The following MECOM variants were observed in gnomAD, a reference collection of about 807,000 sequenced individuals.
MECOM encodes histone-lysine N-methyltransferase MECOM.
A neutral mutation model predicts 116.3 loss-of-function variants in MECOM; 13 were observed. The observed-to-expected ratio is 0.11, with a 90% CI of 0.07 to 0.18. MECOM has a LOEUF of 0.18. Among genes scored for constraint, MECOM ranks in the 10% least tolerant of loss-of-function variants. The pLI is 1.00. For missense variants in MECOM, 1,299 were observed against 1,509.0 expected (o/e 0.86, Z 2.31); for synonymous variants, 528 against 535.2 (o/e 0.99, Z 0.19).
intron 2 of MECOM, among the ~76,000 whole-genome samples, chr3:169,159,378 T>G (rs1018888685): frequency 2.0e-5 from 3 of 151,928 alleles, no homozygotes; most frequent in African/African-American, 7.3e-5. Context: ...ACCAACATAG[T>G]GAAACCCTGT....
chr3:169,602,031 C>T (rs1431724112), intron 1 of MECOM, among the ~76,000 whole-genome samples: 6 of 152,152 alleles, frequency 3.9e-5, no homozygotes, highest in Non-Finnish European at 5.9e-5. Flanking sequence ...TTAATTACCA[C>T]GTATGGGGAA....
At chr3:169,377,537 A>G (rs1249689757) in intron 2 of MECOM, among the ~76,000 whole-genome samples, 1 of 152,206 alleles carries the variant, frequency 6.6e-6, no homozygotes, top group Non-Finnish European at 1.5e-5. Flanking sequence ...TTTTCAAAAG[A>G]AGACATTTAT....
intron 13 of MECOM, among the ~76,000 whole-genome samples, chr3:169,093,583 T>G (rs1473417589): frequency 6.6e-6 from 1 of 152,200 alleles, no homozygotes; most frequent in African/African-American, 2.4e-5. Context: ...TTCTGCATCC[T>G]GGTTTGCTGG....
chr3:169,147,696 G>GTCTT (rs1237653373), intron 2 of MECOM: 28 of 984,744 alleles, frequency 2.8e-5, no homozygotes, highest in African/African-American at 3.5e-5. Context: ...CCGTTTCGAT[G>GTCTT]TCTTGAAAGC....
intron 1 of MECOM, among the ~76,000 whole-genome samples, chr3:169,510,500 C>T (rs1458311530): frequency 6.6e-6 from 1 of 152,236 alleles, no homozygotes; most frequent in African/African-American, 2.4e-5. Context: ...ACTTAGAACA[C>T]AATGCGAGCT....
At chr3:169,139,031 C>A (rs1190843860) in intron 3 of MECOM, among the ~76,000 whole-genome samples, 1 of 152,072 alleles carries the variant, frequency 6.6e-6, no homozygotes, top group Non-Finnish European at 1.5e-5. Context: ...TAAGGTAAAG[C>A]ACAAATGAGA....
At chr3:169,461,913 T>TTTACATTAAGTTTACATTAA (rs1747514951) in intron 1 of MECOM, among the ~76,000 whole-genome samples, 1 of 152,142 alleles carries the variant, frequency 6.6e-6, no homozygotes, top group East Asian at 1.9e-4. Flanking sequence ...AGTTTACATT[T>TTTACATTAAGTTTACATTAA]AGTCACCAAA....
intron 10 of MECOM, among the ~76,000 whole-genome samples, chr3:169,103,217 C>T (rs1724190491): frequency 6.6e-6 from 1 of 151,716 alleles, no homozygotes; most frequent in Non-Finnish European, 1.5e-5. Flanking sequence ...CTTCCACCTG[C>T]TTCGGTCTCC....
chr3:169,161,255 G>T (rs1168817631), intron 2 of MECOM, among the ~76,000 whole-genome samples: 1 of 152,122 alleles, frequency 6.6e-6, no homozygotes, highest in Admixed American at 6.6e-5. Context: ...ATGGATCCTG[G>T]GGAATCATTG....
chr3:169,619,916 G>A (rs1770495974), intron 1 of MECOM, among the ~76,000 whole-genome samples: 1 of 152,236 alleles, frequency 6.6e-6, no homozygotes, highest in Admixed American at 6.5e-5. Context: ...GCACCCTGGT[G>A]TCCCCCTGCG....
chr3:169,381,100 T>A (rs948841169), intron 2 of MECOM, 87 bp downstream of exon 2: 1 of 1,160,446 alleles, frequency 8.6e-7, no homozygotes, highest in East Asian at 2.4e-5. Flanking sequence ...GTAACAAATA[T>A]AATTTGCTTA....
At chr3:169,183,597 G>T (rs147973074) in intron 2 of MECOM, among the ~76,000 whole-genome samples, 8 of 152,122 alleles carry the variant, frequency 5.3e-5, no homozygotes, top group African/African-American at 1.9e-4. Context: ...GGAGCCAGAG[G>T]TCATATGAAC....
Position 169,416,592 on chromosome 3 carries a change from GT to G in MECOM, c.38-35069del, listed in dbSNP as rs1049810733. ...AAAAAAATCAATGAATCCAGGAGCT[GT>G]TTTTTTTTAAAAAAGGATGAACAAA... is the stretch of plus-strand genomic sequence containing the variant. On this transcript the variant is annotated intron_variant, in intron 1 of 16. Coordinates refer to ENST00000651503, the MANE Select transcript of MECOM (RefSeq NM_004991.4). 4.3e-4 allele frequency among the ~76,000 whole-genome samples: 65 copies of G among 150,920 alleles called. 1 individual carries two copies. The highest frequency in any genetic ancestry group is 1.5e-3 in the African/African-American group (62 of 41,224).
intron 2 of MECOM, chr3:169,147,486 C>T (rs1740265766): frequency 2.0e-6 from 2 of 985,456 alleles, no homozygotes; most frequent in African/African-American, 1.7e-5. Flanking sequence ...GGAAGCCAGA[C>T]GGGCTCCTCT....
chr3:169,278,263 AT>A lies in MECOM; in HGVS notation c.375+102923del, dbSNP rs1342724091. ...CTGACATTCCTGGGCTATCATCGGA[AT>A]TTCATGCACAACCCAAGCCAGGCCT... On this transcript the variant is annotated intron_variant, in intron 2 of 16. Transcript: ENST00000651503. Among the ~76,000 whole-genome samples, 21 of 152,212 alleles carry A rather than the reference AT, an allele frequency of 1.4e-4. 1 individual carries two copies.
chr3:169,279,274 C>G (rs1759988197), intron 2 of MECOM, among the ~76,000 whole-genome samples: 1 of 152,136 alleles, frequency 6.6e-6, no homozygotes, highest in South Asian at 2.1e-4. Flanking sequence ...TGAATCATGC[C>G]TTTGTCTTAT....
chr3:169,441,752 G>T (rs760720560), intron 1 of MECOM, among the ~76,000 whole-genome samples: 6 of 103,394 alleles, frequency 5.8e-5, no homozygotes, highest in Non-Finnish European at 1.0e-4. Flanking sequence ...TTTAAAAAAG[G>T]GGGGGTCTTG....
chr3:169,509,817 A>T (rs192731329), intron 1 of MECOM, among the ~76,000 whole-genome samples: 6 of 152,304 alleles, frequency 3.9e-5, no homozygotes, highest in East Asian at 1.9e-4. Flanking sequence ...GCTGCTATGA[A>T]CACTGGTGTA....
At chr3:169,341,753 G>C (rs200577169) in intron 2 of MECOM, among the ~76,000 whole-genome samples, 2 of 114,078 alleles carry the variant, frequency 1.8e-5, no homozygotes, top group East Asian at 6.5e-4. Flanking sequence ...AAAAAAAAAA[G>C]AACAAATGAA....
Sources: allele counts gnomAD v4.1 joint callset (sites outside exome capture counted in the v4.1 genomes callset), GRCh38; gene constraint gnomAD v4.1.1; transcripts MANE v1.5; gene names NCBI Gene and HGNC (gene_info 2026-07-23, HGNC 2026-07-21).